Variants in PFKFB1 observed in about 807,000 individuals in gnomAD.
The protein encoded by PFKFB1 is 6-phosphofructo-2-kinase/fructose-2,6-biphosphatase 1.
Under a neutral mutation model 46.4 loss-of-function variants are expected in PFKFB1, and 34 were observed. That is an observed-to-expected ratio of 0.73 (90% CI 0.56 to 0.98). The LOEUF (loss-of-function observed/expected upper bound fraction) is 0.98. Ranked by LOEUF, PFKFB1 falls within the 50% of genes least tolerant of loss-of-function variation. The pLI is 0.00. For synonymous variants in PFKFB1, 119 were observed against 133.8 expected, an observed-to-expected ratio of 0.89 and a Z score of 0.76; for missense variants, 393 against 376.3, an observed-to-expected ratio of 1.04 and a Z score of -0.37.
In PFKFB1 at chrX:54,933,448, G is replaced by A; in HGVS notation, c.1371C>T (p.Thr457=). The A allele has an allele frequency of 8.3e-7, 1 of 1,207,826 alleles. No individual in the cohort carries two copies. Among genetic ancestry groups the A allele is most frequent in the Admixed American group, 2.2e-5 (1 of 46,043 alleles). ...HREKPENVDI[T]REPEEALDTV... is the part of the protein sequence containing the mutation. ...TATCCAGGGCTTCCTCAGGTTCCCG[G>A]GTGATGTCCACATTCTGAGGAGAGA... Residue 457 remains threonine (T), a synonymous_variant, in exon 14 of 14, where the codon ACC becomes ACT. Coordinates refer to ENST00000375006, the MANE Select transcript of PFKFB1 (RefSeq NM_002625.4).
chrX:54,961,943 G>A (rs769009033), intron 2 of PFKFB1, among the ~76,000 whole-genome samples: 1 of 111,316 alleles, frequency 9.0e-6, no homozygotes, highest in East Asian at 2.9e-4. Context: ...GGAGGATGGT[G>A]AGTCATCCAC....
chrX:54,972,320 T>C (rs1335551943), intron 1 of PFKFB1, among the ~76,000 whole-genome samples: 3 of 109,117 alleles, frequency 2.7e-5, no homozygotes, highest in Admixed American at 9.8e-5. Flanking sequence ...CCTAATTGAA[T>C]ACCCTTTATT....
chrX:54,975,652 A>G (rs1401096016), intron 1 of PFKFB1, among the ~76,000 whole-genome samples: 4 of 111,226 alleles, frequency 3.6e-5, no homozygotes, highest in African/African-American at 9.8e-5. Context: ...AAATAAAACA[A>G]TGTTGGTGGA....
intron 7 of PFKFB1, among the ~76,000 whole-genome samples, chrX:54,952,673 G>C (rs921028887): frequency 9.1e-6 from 1 of 110,010 alleles, no homozygotes; most frequent in Non-Finnish European, 1.9e-5. Context: ...TCAGAAGTGG[G>C]GTTGGCCTGG....
chrX:54,964,566 G>T (rs909415963), intron 1 of PFKFB1, among the ~76,000 whole-genome samples: 1 of 111,364 alleles, frequency 9.0e-6, no homozygotes, highest in African/African-American at 3.3e-5. Flanking sequence ...AGATTCAGGG[G>T]TTATATGTTC....
At chrX:54,980,710 AACACACACAC>A (rs751759536) in intron 1 of PFKFB1, among the ~76,000 whole-genome samples, 38 of 83,390 alleles carry the variant, frequency 4.6e-4, no homozygotes, top group Admixed American at 6.9e-4. Flanking sequence ...AAAAAAAGCC[AACACACACAC>A]ACACACACAC....
chrX:54,933,379 G>A lies in PFKFB1; in HGVS notation c.*24C>T, dbSNP rs1168355569. The A allele has an allele frequency of 2.6e-6, 3 of 1,160,582 alleles. No homozygotes were observed. Among genetic ancestry groups the A allele is most frequent in the Admixed American group, 2.2e-5 (1 of 45,979 alleles). On this transcript the variant is annotated 3_prime_UTR_variant, in exon 14 of 14. Coordinates refer to ENST00000375006, the MANE Select transcript of PFKFB1 (RefSeq NM_002625.4). ...AAGGTGGAAGGCGATGAGGACACAG[G>A]CAGTTTGACTTCTTGGAAAGGGCTC...
intron 1 of PFKFB1, among the ~76,000 whole-genome samples, chrX:54,963,865 T>C (rs1189595174): frequency 8.9e-6 from 1 of 112,139 alleles, no homozygotes; most frequent in African/African-American, 3.2e-5. Context: ...AACAGTATAA[T>C]AGCTGTTGCT....
intron 10 of PFKFB1, among the ~76,000 whole-genome samples, chrX:54,942,823 A>G (rs1933684763): frequency 8.9e-6 from 1 of 112,330 alleles, no homozygotes; most frequent in Non-Finnish European, 1.9e-5. Flanking sequence ...AAAAATAACT[A>G]AATAGAATTT....
At chrX:54,940,917 A>T (rs6612245) in intron 10 of PFKFB1, among the ~76,000 whole-genome samples, 4 of 111,790 alleles carry the variant, frequency 3.6e-5, no homozygotes, top group African/African-American at 1.3e-4. Context: ...GAACCAAAAA[A>T]GGGCCCGCAT....
At position 54,993,213 on chromosome X, in the gene PFKFB1, A is replaced by T. The variant is rs112967635; in HGVS notation, c.97+698T>A. 6.4e-3 allele frequency among the ~76,000 whole-genome samples: 716 copies of T among 112,424 alleles called. 7 individuals carry two copies. Among genetic ancestry groups the T allele is most frequent in the African/African-American group, 0.021 (657 of 30,910 alleles). On this transcript the variant is annotated intron_variant, in intron 1 of 13. Transcript: ENST00000375006. Reference sequence around the variant, plus strand: ...ACTCCAGATTTTGTTTTAAATATGTACAGGTTTTGTTTTGCCCTTGATCTT... The same window carrying T: ...ACTCCAGATTTTGTTTTAAATATGTTCAGGTTTTGTTTTGCCCTTGATCTT...
At chrX:54,940,770 T>C (rs1294825676) in intron 10 of PFKFB1, among the ~76,000 whole-genome samples, 1 of 111,759 alleles carries the variant, frequency 8.9e-6, no homozygotes, top group Non-Finnish European at 1.9e-5. Context: ...GAACATTCCA[T>C]GCTCATGGGT....
At chrX:54,972,172 T>A (rs1010283332) in intron 1 of PFKFB1, among the ~76,000 whole-genome samples, 2 of 111,563 alleles carry the variant, frequency 1.8e-5, no homozygotes, top group Non-Finnish European at 3.8e-5. Context: ...TGCTGGTGAT[T>A]TTTGTACATT....
At chrX:54,969,290 A>T (rs1321306487) in intron 1 of PFKFB1, among the ~76,000 whole-genome samples, 1 of 111,682 alleles carries the variant, frequency 9.0e-6, no homozygotes, top group African/African-American at 3.3e-5. Context: ...GGTTTAGTTA[A>T]CTCAGAAAAC....
intron 1 of PFKFB1, among the ~76,000 whole-genome samples, chrX:54,976,616 T>C (rs1934845911): frequency 1.8e-5 from 2 of 111,537 alleles, no homozygotes; most frequent in African/African-American, 6.5e-5. Flanking sequence ...ACTTGACATA[T>C]GACCTAGCAT....
chrX:54,978,321 T>C (rs1310009614), intron 1 of PFKFB1, among the ~76,000 whole-genome samples: 3 of 110,904 alleles, frequency 2.7e-5, no homozygotes, highest in Admixed American at 9.6e-5. Context: ...AATAAATAAG[T>C]AGGGGAGAAA....
chrX:54,956,309 C>T (rs749577381), intron 6 of PFKFB1, 35 bp from the exon 7 acceptor site: 5 of 1,205,362 alleles, frequency 4.1e-6, no homozygotes, highest in Non-Finnish European at 2.2e-6. Flanking sequence ...TCAAGGGAGA[C>T]ATTGGGAGAC....
At position 54,958,897 on chromosome X, in the gene PFKFB1, T is replaced by G; in HGVS notation, c.413A>C (p.Glu138Ala). The G allele has an allele frequency of 8.3e-7, 1 of 1,198,398 alleles. No individual in the cohort carries two copies. The highest frequency in any genetic ancestry group is 1.7e-5 in the African/African-American group (1 of 57,396). The change falls in exon 5 of 14, where the codon GAA (glutamate) becomes GCA (alanine). Residue 138 changes from glutamate to alanine, a missense_variant. By Grantham distance (107) the Glu-to-Ala change is moderately radical. Transcript: ENST00000375006. ...AVFDATNTTR[E>A]RRSLILQFAK... is the part of the protein sequence containing the mutation. ...AAACTGCAGGATCAGTGACCGTCGT[T>G]CTCTGGTAGTGTTGGTGGCATCAAA...
chrX:54,937,912 C>CT (rs1301798561), intron 10 of PFKFB1, among the ~76,000 whole-genome samples, 188 bp from the exon 11 acceptor site: 1 of 111,902 alleles, frequency 8.9e-6, no homozygotes, highest in Non-Finnish European at 1.9e-5. Flanking sequence ...TAAATGGGGG[C>CT]TATCAATATA....
Sources: gnomAD v4.1 joint callset for allele counts (sites outside exome capture counted in the v4.1 genomes callset) on GRCh38, gnomAD v4.1.1 for gene constraint, MANE v1.5 for transcripts, NCBI Gene and HGNC (gene_info 2026-07-23, HGNC 2026-07-21) for gene names.